FAAH2: variants seen among roughly 807,000 people sequenced by gnomAD.
FAAH2 encodes fatty-acid amide hydrolase 2.
A neutral mutation model predicts 36.9 loss-of-function variants in FAAH2; 60 were observed. The observed-to-expected ratio is 1.63, with a 90% confidence interval of 1.32 to 2.02. FAAH2 has a LOEUF of 2.02. FAAH2 is among the 30% of genes most tolerant of loss of function. The pLI is 0.00. For synonymous variants in FAAH2, 214 were observed against 143.8 expected (o/e 1.49, Z -3.49); for missense variants, 689 against 397.5 (o/e 1.73, Z -6.23).
intron 6 of FAAH2, among the ~76,000 whole-genome samples, chrX:57,379,952 T>C (rs979934898): frequency 2.7e-5 from 3 of 110,635 alleles, no homozygotes; most frequent in African/African-American, 9.9e-5. Flanking sequence ...CTCTTGTGAT[T>C]CAATCATTTT....
chrX:57,147,638 G>A, the FAAH2 span, among the ~76,000 whole-genome samples: 2 of 111,558 alleles, frequency 1.8e-5, no homozygotes, highest in Admixed American at 1.9e-4. Context: ...AGTTCCTTGA[G>A]GTGTGACATT....
intron 10 of FAAH2, among the ~76,000 whole-genome samples, chrX:57,479,484 C>G (rs762029248): frequency 2.1e-4 from 23 of 110,633 alleles, no homozygotes; most frequent in Non-Finnish European, 3.8e-4. Context: ...CCTTTTTTTC[C>G]TTCCCCTGCC....
At chrX:57,292,404 A>C (rs771742769) in intron 1 of FAAH2, 94 bp from the exon 2 acceptor site, 32 of 785,890 alleles carry the variant, frequency 4.1e-5, no homozygotes, top group Non-Finnish European at 9.2e-6. Flanking sequence ...GTCTCAAAAA[A>C]TGATTAATGT....
chrX:57,284,335 C>G (rs2051781032), upstream of FAAH2, among the ~76,000 whole-genome samples: 1 of 111,614 alleles, frequency 9.0e-6, no homozygotes, highest in South Asian at 3.8e-4. Flanking sequence ...GATGGTGCCA[C>G]TGCACTCCAG....
the FAAH2 span, among the ~76,000 whole-genome samples, chrX:57,196,183 C>T: frequency 6.2e-5 from 7 of 112,041 alleles, no homozygotes; most frequent in South Asian, 1.9e-3. Context: ...TTGTAGATTG[C>T]TTTTGGCAGT....
At chrX:57,392,817 C>G (rs962578426) in intron 7 of FAAH2, 1 of 662,483 alleles carries the variant, frequency 1.5e-6, no homozygotes, top group Admixed American at 2.2e-5. Context: ...GACACCTTTT[C>G]GCTCTGGGTT....
intron 5 of FAAH2, among the ~76,000 whole-genome samples, chrX:57,366,746 A>C (rs1325515260): frequency 3.6e-5 from 4 of 112,413 alleles, no homozygotes; most frequent in Non-Finnish European, 1.9e-5. Flanking sequence ...ATGCTGGTAA[A>C]CAGTGGAGGC....
At chrX:57,148,581 G>A in the FAAH2 span, among the ~76,000 whole-genome samples, 6 of 111,569 alleles carry the variant, frequency 5.4e-5, no homozygotes, top group Non-Finnish European at 1.1e-4. Context: ...TGGTGTATAA[G>A]AATGCTTGTG....
At chrX:57,375,807 C>T (rs958105449) in intron 5 of FAAH2, among the ~76,000 whole-genome samples, 2 of 111,499 alleles carry the variant, frequency 1.8e-5, no homozygotes, top group South Asian at 7.4e-4. Context: ...GAAATATTTG[C>T]CCATCCAAAG....
intron 10 of FAAH2, among the ~76,000 whole-genome samples, chrX:57,458,676 A>G (rs766310514): frequency 9.0e-6 from 1 of 111,731 alleles, no homozygotes; most frequent in South Asian, 3.8e-4. Flanking sequence ...GGTGCAGACC[A>G]TGGAGGGCGA....
intron 5 of FAAH2, among the ~76,000 whole-genome samples, chrX:57,371,257 C>G (rs2054542850): frequency 1.8e-5 from 2 of 111,256 alleles, no homozygotes; most frequent in African/African-American, 6.5e-5. Context: ...AAACTCTCCC[C>G]AAGCTTATAG....
intron 3 of FAAH2, among the ~76,000 whole-genome samples, chrX:57,320,619 C>T (rs1045765353): frequency 8.9e-6 from 1 of 112,320 alleles, no homozygotes; most frequent in South Asian, 3.7e-4. Context: ...GGTGATTCCT[C>T]AAGGATCTAG....
At chrX:57,275,674 A>T in the FAAH2 span, among the ~76,000 whole-genome samples, 1 of 111,819 alleles carries the variant, frequency 8.9e-6, no homozygotes, top group Admixed American at 9.5e-5. Context: ...TATTCAGGAG[A>T]ACCATCTCAC....
At chrX:57,187,614 C>A in the FAAH2 span, among the ~76,000 whole-genome samples, 1 of 110,723 alleles carries the variant, frequency 9.0e-6, no homozygotes, top group African/African-American at 3.3e-5. Context: ...TGAATATGAG[C>A]AGTGAGAGAG....
At chrX:57,404,484 T>C (rs1482968929) in intron 7 of FAAH2, among the ~76,000 whole-genome samples, 1 of 111,598 alleles carries the variant, frequency 9.0e-6, no homozygotes, top group East Asian at 2.8e-4. Flanking sequence ...GTTGTTAAAG[T>C]ACTGGGTTAT....
the FAAH2 span, among the ~76,000 whole-genome samples, chrX:57,220,335 C>T: frequency 4.1e-5 from 3 of 73,961 alleles, no homozygotes; most frequent in Middle Eastern, 9.2e-3. Context: ...TACCTATTCT[C>T]CTCCCCAACG....
chrX:57,222,504 T>C, the FAAH2 span, among the ~76,000 whole-genome samples: 1 of 112,139 alleles, frequency 8.9e-6, no homozygotes, highest in East Asian at 2.8e-4. Context: ...CCTGCCTGCC[T>C]TCAAGCATTG....
the FAAH2 span, among the ~76,000 whole-genome samples, chrX:57,159,224 G>A: frequency 8.9e-6 from 1 of 111,823 alleles, no homozygotes; most frequent in African/African-American, 3.3e-5. Flanking sequence ...CCAGTACCAT[G>A]CTGTTTTGGT....
chrX:57,331,159 G>T (rs1449306961), intron 3 of FAAH2, among the ~76,000 whole-genome samples: 1 of 111,798 alleles, frequency 8.9e-6, no homozygotes, highest in Non-Finnish European at 1.9e-5. Flanking sequence ...AGTCTTCCAG[G>T]CTCTGCTCCA....
Sources: gnomAD v4.1 joint callset for allele counts (sites outside exome capture counted in the v4.1 genomes callset) on GRCh38, gnomAD v4.1.1 for gene constraint, MANE v1.5 for transcripts, NCBI Gene and HGNC (gene_info 2026-07-23, HGNC 2026-07-21) for gene names.